SAR1B: variants seen among roughly 807,000 people sequenced by gnomAD.
SAR1B encodes the protein secretion associated Ras related GTPase 1B, also known as small COPII coat GTPase SAR1B.
In SAR1B, 23 loss-of-function variants were observed where a neutral mutation model predicts 26.8. That is an observed-to-expected ratio of 0.86 (90% CI 0.62 to 1.22). The LOEUF (loss-of-function observed/expected upper bound fraction) is 1.22. Ranked by LOEUF, SAR1B falls within the 50% of genes most tolerant of loss-of-function variation. The pLI is 0.00. For missense variants in SAR1B, 196 were observed against 232.8 expected (o/e 0.84, Z 1.03); for synonymous variants, 65 against 80.8 (o/e 0.80, Z 1.05).
Position 134,612,730 on chromosome 5 carries a change from T to C in SAR1B, c.205A>G (p.Met69Val). ...CCCAGATCAAAAGTTGTAAACGTCA[T>C]GCCAGCAATGGTCAGTTCTTCGGAA... ...PTSEELTIAG[M>V]TFTTFDLGGH... The change falls in exon 4 of 7, where the codon ATG becomes GTG. Residue 69 changes from methionine to valine, a missense_variant. By Grantham distance (21) the Met-to-Val change is conservative. Transcript: ENST00000402673. 2 of 1,524,740 alleles carry C rather than the reference T, an allele frequency of 1.3e-6. No individual in the cohort carries two copies. Among genetic ancestry groups the C allele is most frequent in the African/African-American group, 1.5e-5 (1 of 68,548 alleles). 94.5% of individuals were successfully genotyped at this position (1,524,740 alleles called of 1,614,324 possible). A position where few individuals can be genotyped will look rare whatever the true frequency, so the allele number is the denominator to read the frequency against.
intron 3 of SAR1B, among the ~76,000 whole-genome samples, chr5:134,616,131 GAAAAAAAA>G (rs1218921148): frequency 1.4e-5 from 1 of 69,456 alleles, no homozygotes; most frequent in Non-Finnish European, 2.8e-5. Flanking sequence ...CTCCATCTCG[GAAAAAAAA>G]AAAAAAAAAA....
At chr5:134,626,298 C>CAAAAAAAAA (rs35668627) in intron 1 of SAR1B, among the ~76,000 whole-genome samples, 7 of 53,130 alleles carry the variant, frequency 1.3e-4, no homozygotes, top group Admixed American at 3.3e-4. Flanking sequence ...GACTCTGCCT[C>CAAAAAAAAA]AAAAAAAAAA....
intron 2 of SAR1B, among the ~76,000 whole-genome samples, chr5:134,623,491 G>A (rs1348636152): frequency 2.9e-5 from 3 of 104,966 alleles, no homozygotes; most frequent in Non-Finnish European, 5.5e-5. Flanking sequence ...GCAAGACTCC[G>A]TCTCTATAAA....
At chr5:134,629,288 G>C (rs1045293886) in intron 1 of SAR1B, among the ~76,000 whole-genome samples, 5 of 149,776 alleles carry the variant, frequency 3.3e-5, no homozygotes, top group African/African-American at 1.2e-4. Flanking sequence ...GCCAGGTGCA[G>C]TGGCTCATGC....
At chr5:134,621,161 TA>T (rs1435524506) in intron 2 of SAR1B, 109 bp from the exon 3 acceptor site, 13 of 1,270,274 alleles carry the variant, frequency 1.0e-5, no homozygotes, top group Admixed American at 1.9e-5. Context: ...TTTTCAGTTT[TA>T]AAAAAGCTAT....
At chr5:134,615,010 T>G (rs1765283747) in intron 3 of SAR1B, 2 of 152,158 alleles carry the variant, frequency 1.3e-5, no homozygotes, top group African/African-American at 4.8e-5. Context: ...AATGACAACA[T>G]AAGTTTTAGT....
In SAR1B at chr5:134,603,363, G is replaced by A. The variant is rs1414142276; in HGVS notation, c.*3587C>T. 6.6e-6 allele frequency: 1 copy of A among 152,338 alleles called. No homozygotes were observed. The highest frequency in any genetic ancestry group is 1.5e-5 in the Non-Finnish European group (1 of 68,038). The allele number at this position is 152,338 out of a possible 1,614,324, so 9.4% of individuals were successfully genotyped here. On this transcript the variant is annotated 3_prime_UTR_variant, in exon 7 of 7. Transcript: ENST00000402673. ...TAACTAGAACTATACTGTTTCTAAT[G>A]ATGGAACCTGTGAAATGCTGGGTTT...
At chr5:134,608,139 C>T (rs1765158829) in intron 6 of SAR1B, among the ~76,000 whole-genome samples, 1 of 152,074 alleles carries the variant, frequency 6.6e-6, no homozygotes, top group Non-Finnish European at 1.5e-5. Flanking sequence ...AATTTAGTTT[C>T]CTATAAGCAC....
intron 1 of SAR1B, among the ~76,000 whole-genome samples, chr5:134,624,432 G>A (rs185491058): frequency 6.6e-6 from 1 of 152,136 alleles, no homozygotes; most frequent in African/African-American, 2.4e-5. Context: ...GAGGTGGGAC[G>A]ATTGCTTGAG....
In SAR1B at chr5:134,629,826, C is replaced by A. The variant is rs549922726; in HGVS notation, c.-19+2902G>T. ...GCTTGAACCCGGGAGACGGAGGTTG[C>A]AGTGAGCCAAGATCGTGGCACTGCA... On this transcript the variant is annotated intron_variant, in intron 1 of 6. Coordinates refer to ENST00000402673, the MANE Select transcript of SAR1B (RefSeq NM_016103.4). Among the ~76,000 whole-genome samples the A allele has an allele frequency of 1.5e-3, 224 of 149,382 alleles. 1 individual carries two copies. The highest frequency in any genetic ancestry group is 5.2e-3 in the African/African-American group (212 of 40,418).
At position 134,606,739 on chromosome 5, in the gene SAR1B, T is replaced by C; in HGVS notation, c.*211A>G. 1.9e-6 allele frequency: 1 copy of C among 527,376 alleles called. No individual in the cohort carries two copies. The highest frequency in any genetic ancestry group is 3.4e-6 in the Non-Finnish European group (1 of 290,168). 32.7% of individuals were successfully genotyped at this position (527,376 alleles called of 1,614,324 possible). A position where few individuals can be genotyped will look rare whatever the true frequency, so the allele number is the denominator to read the frequency against. ...TATAAACTGTAAAAACCAAGTACTT[T>C]TATGGAATTAGAAAGCTAACATTGT... On this transcript the variant is annotated 3_prime_UTR_variant, in exon 7 of 7. Transcript: ENST00000402673.
rs1005226564 is a variant in SAR1B, at chr5:134,602,786, G to A, written c.*4164C>T. 6.6e-6 allele frequency: 1 copy of A among 152,044 alleles called. No homozygotes were observed. The highest frequency in any genetic ancestry group is 1.5e-5 in the Non-Finnish European group (1 of 68,016). The allele number at this position is 152,044 out of a possible 1,614,324, so 9.4% of individuals were successfully genotyped here. A position where few individuals can be genotyped will look rare whatever the true frequency, so the allele number is the denominator to read the frequency against. ...CCAGCTACTCGGGATGGTGAGGCAC[G>A]AGAATCGCTTGAACCTGGGAAGCAG... On this transcript the variant is annotated 3_prime_UTR_variant, in exon 7 of 7. Transcript: ENST00000402673.
rs111584711 is a variant in SAR1B, at chr5:134,629,700, A to C, written c.-19+3028T>G. On this transcript the variant is annotated intron_variant, in intron 1 of 6. Coordinates refer to ENST00000402673, the MANE Select transcript of SAR1B (RefSeq NM_016103.4). ...CGACAGAGCAAGACTCCATCTCAAA[A>C]AAACAAACAAACAAACAAACAAACA... Among the ~76,000 whole-genome samples the C allele has an allele frequency of 3.6e-3, 545 of 151,280 alleles. 2 individuals are homozygous for C. Among genetic ancestry groups the C allele is most frequent in the African/African-American group, 0.01 (428 of 41,156 alleles).
Position 134,603,493 on chromosome 5 carries a change from T to C in SAR1B, c.*3457A>G, listed in dbSNP as rs1765075726. 1 of 152,240 alleles carries C rather than the reference T, an allele frequency of 6.6e-6. No individual in the cohort carries two copies. The highest frequency in any genetic ancestry group is 6.5e-5 in the Admixed American group (1 of 15,278). The allele number at this position is 152,240 out of a possible 1,614,324, so 9.4% of individuals were successfully genotyped here. ...AAGTAGTTTATGCGCTTTCCATCAC[T>C]ATAAAGTATGGGCCAGTTGAAAATT... On this transcript the variant is annotated 3_prime_UTR_variant, in exon 7 of 7. Coordinates refer to ENST00000402673, the MANE Select transcript of SAR1B (RefSeq NM_016103.4).
intron 3 of SAR1B, 131 bp downstream of exon 3, chr5:134,620,802 T>C: frequency 9.4e-7 from 1 of 1,062,436 alleles, no homozygotes; most frequent in Non-Finnish European, 1.4e-6. Context: ...TGCAGTGAAC[T>C]GTGATCATAC....
chr5:134,626,072 G>A (rs148292230), intron 1 of SAR1B, among the ~76,000 whole-genome samples: 2,977 of 151,994 alleles, frequency 0.02, 97 homozygotes, highest in African/African-American at 0.066. Context: ...GCTGAGGCGG[G>A]TGGATCACCT....
intron 1 of SAR1B, among the ~76,000 whole-genome samples, chr5:134,624,625 GTTTTT>G (rs66854508): frequency 1.8e-5 from 2 of 113,274 alleles, no homozygotes; most frequent in Admixed American, 9.6e-5. Flanking sequence ...AGGGAAGTGA[GTTTTT>G]TTTTTTTTTT....
intron 2 of SAR1B, 68 bp downstream of exon 2, chr5:134,623,893 CA>C (rs1003652657): frequency 7.7e-6 from 8 of 1,035,578 alleles, no homozygotes; most frequent in Non-Finnish European, 1.2e-5. Flanking sequence ...AGAGACTTGA[CA>C]CAGATAAGCA....
intron 1 of SAR1B, among the ~76,000 whole-genome samples, chr5:134,629,337 T>C (rs1018734349): frequency 6.6e-6 from 1 of 151,538 alleles, no homozygotes; most frequent in African/African-American, 2.4e-5. Flanking sequence ...GGTGGGGGGA[T>C]CACTTGAACC....
Sources: gnomAD v4.1 joint callset for allele counts (sites outside exome capture counted in the v4.1 genomes callset) on GRCh38, gnomAD v4.1.1 for gene constraint, MANE v1.5 for transcripts, NCBI Gene and HGNC (gene_info 2026-07-23, HGNC 2026-07-21) for gene names.